Variants in SCN1A observed in about 807,000 individuals in gnomAD.
SCN1A encodes the protein sodium voltage-gated channel alpha subunit 1, also known as sodium channel protein type 1 subunit alpha.
Under a neutral mutation model 193.7 loss-of-function variants are expected in SCN1A, and 13 were observed. That is an observed-to-expected ratio of 0.07 (90% CI 0.04 to 0.11). The LOEUF is 0.11. SCN1A is among the 10% of genes least tolerant of loss of function. The pLI, the probability that SCN1A is intolerant of heterozygous loss-of-function variation, is 1.00. For missense variants in SCN1A, 1,432 were observed against 2,451.1 expected (o/e 0.58, Z 8.78); for synonymous variants, 781 against 843.6 (o/e 0.93, Z 1.29).
Position 165,991,203 on chromosome 2 carries a change from C to G in SCN1A, c.*42G>C. The G allele has an allele frequency of 6.6e-7, 1 of 1,525,612 alleles. No individual in the cohort carries two copies. Among genetic ancestry groups the G allele is most frequent in the East Asian group, 2.4e-5 (1 of 41,502 alleles). 94.5% of individuals were successfully genotyped at this position (1,525,612 alleles called of 1,614,324 possible). A position where few individuals can be genotyped will look rare whatever the true frequency, so the allele number is the denominator to read the frequency against. On this transcript the variant is annotated 3_prime_UTR_variant, in exon 29 of 29. Transcript: ENST00000674923. ...GATAAAAATACATCACCTTCACAGG[C>G]TGTAAACAATTTGTCACCCAATTAT...
intron 20 of SCN1A, among the ~76,000 whole-genome samples, chr2:166,014,579 A>C (rs2105618200): frequency 6.7e-6 from 1 of 149,306 alleles, no homozygotes; most frequent in East Asian, 2.0e-4. Context: ...CTTACCAAAA[A>C]AAATCTGGTT....
rs879391660 is a variant in SCN1A at position 166,012,908 on chromosome 2, C to T, written c.3706-626G>A. 1.1e-4 allele frequency among the ~76,000 whole-genome samples: 17 copies of T among 151,050 alleles called. 1 individual carries two copies. The highest frequency in any genetic ancestry group is 2.2e-4 in the African/African-American group (9 of 41,302). On this transcript the variant is annotated intron_variant, in intron 21 of 28. Transcript: ENST00000674923. The stretch of plus-strand genomic sequence containing the variant: ...ACTTCTAAGTATGCATTCCTTTCAA[C>T]GGTGAAAGACTTCTAAAGTAGCGTG...
chr2:166,112,897 A>G (rs115517012), intron 2 of SCN1A, among the ~76,000 whole-genome samples: 1,733 of 152,266 alleles, frequency 0.011, 21 homozygotes, highest in Admixed American at 0.017. Flanking sequence ...AAAACTCTAA[A>G]TTATGGAGTT....
At chr2:166,106,918 T>C (rs998747863) in intron 2 of SCN1A, among the ~76,000 whole-genome samples, 1 of 152,160 alleles carries the variant, frequency 6.6e-6, no homozygotes, top group Non-Finnish European at 1.5e-5. Flanking sequence ...CAATACACTA[T>C]TTCTGGTTAG....
At chr2:166,076,518 T>G (rs1684998928) in intron 3 of SCN1A, among the ~76,000 whole-genome samples, 1 of 130,978 alleles carries the variant, frequency 7.6e-6, no homozygotes. Flanking sequence ...CCAGCAGTTA[T>G]TTGTGGATAT....
chr2:166,072,310 A>C (rs1282983036), intron 4 of SCN1A, among the ~76,000 whole-genome samples: 1 of 149,614 alleles, frequency 6.7e-6, no homozygotes, highest in African/African-American at 2.6e-5. Context: ...AATAATCTTA[A>C]AAAAAATTTT....
At chr2:166,081,106 A>G (rs1305750535) in intron 2 of SCN1A, among the ~76,000 whole-genome samples, 1 of 151,968 alleles carries the variant, frequency 6.6e-6, no homozygotes, top group Non-Finnish European at 1.5e-5. Flanking sequence ...TATCACAGCC[A>G]AAAGATGTTT....
chr2:166,035,930 A>G (rs1696272712), intron 19 of SCN1A, 118 bp downstream of exon 19: 2 of 819,450 alleles, frequency 2.4e-6, no homozygotes, highest in East Asian at 6.0e-5. Context: ...GTATTATCAT[A>G]AAGTAAAAAA....
chr2:165,998,588 T>A (rs193077534), intron 25 of SCN1A, among the ~76,000 whole-genome samples: 37 of 151,444 alleles, frequency 2.4e-4, no homozygotes, highest in Non-Finnish European at 3.6e-4. Context: ...AAATGAGTTG[T>A]TCATTCAGAT....
chr2:166,102,279 G>A (rs907846910), intron 2 of SCN1A, among the ~76,000 whole-genome samples: 6 of 152,096 alleles, frequency 3.9e-5, no homozygotes, highest in African/African-American at 1.4e-4. Context: ...GGCGGATCAC[G>A]AGGTCAGGAT....
intron 19 of SCN1A, among the ~76,000 whole-genome samples, chr2:166,033,012 T>G (rs963497304): frequency 5.3e-5 from 8 of 152,154 alleles, no homozygotes; most frequent in African/African-American, 1.9e-4. Context: ...AAGTTTGATC[T>G]GAGTGTCTAC....
At chr2:166,015,815 T>C in intron 19 of SCN1A, 88 bp from the exon 20 acceptor site, 1 of 1,457,274 alleles carries the variant, frequency 6.9e-7, no homozygotes, top group South Asian at 1.2e-5. Context: ...ATGAATTTGT[T>C]TTTTATTCTT....
intron 21 of SCN1A, among the ~76,000 whole-genome samples, chr2:166,012,698 T>C (rs541768157): frequency 7.8e-4 from 116 of 149,498 alleles, no homozygotes; most frequent in Middle Eastern, 3.4e-3. Flanking sequence ...GAAATTGTGA[T>C]TGATCTTCGC....
chr2:166,075,715 C>T (rs1486694000), intron 3 of SCN1A, among the ~76,000 whole-genome samples: 1 of 151,856 alleles, frequency 6.6e-6, no homozygotes, highest in Non-Finnish European at 1.5e-5. Context: ...TGGCTTTGTA[C>T]AGAATGTTTA....
chr2:165,996,727 A>G (rs1690119083), intron 26 of SCN1A, among the ~76,000 whole-genome samples: 1 of 151,448 alleles, frequency 6.6e-6, no homozygotes, highest in Non-Finnish European at 1.5e-5. Context: ...GTAGCCTGAT[A>G]TTGACTTAAG....
intron 13 of SCN1A, 78 bp from the exon 14 acceptor site, chr2:166,044,127 G>A: frequency 2.7e-6 from 4 of 1,500,772 alleles, no homozygotes; most frequent in African/African-American, 1.4e-5. Flanking sequence ...GCAAGATTAT[G>A]TAGAAGGAGA....
intron 1 of SCN1A, among the ~76,000 whole-genome samples, chr2:166,143,419 G>A (rs920724228): frequency 2.0e-5 from 3 of 152,026 alleles, no homozygotes; most frequent in Admixed American, 2.0e-4. Flanking sequence ...GCCCACCTCA[G>A]CCTCCCAAAG....
chr2:166,000,262 G>A (rs1010234560), intron 24 of SCN1A, among the ~76,000 whole-genome samples: 3 of 151,588 alleles, frequency 2.0e-5, no homozygotes, highest in African/African-American at 4.8e-5. Flanking sequence ...CATAAAGGCA[G>A]GGTTGCAACT....
rs1337123096 is a variant in SCN1A at position 165,986,670 on chromosome 2, G to A, written c.*4575C>T. On this transcript the variant is annotated 3_prime_UTR_variant, in exon 29 of 29. Coordinates refer to ENST00000674923, the MANE Select transcript of SCN1A (RefSeq NM_001165963.4). ...CAAAATATGATAGTGTGAACACGCA[G>A]ACATAGGCACTTCAGTAACACACAG... The A allele has an allele frequency of 7.5e-6, 1 of 133,438 alleles. No homozygotes were observed. The highest frequency in any genetic ancestry group is 1.5e-5 in the Non-Finnish European group (1 of 64,616). 8.3% of individuals were successfully genotyped at this position (133,438 alleles called of 1,614,324 possible). A position where few individuals can be genotyped will look rare whatever the true frequency, so the allele number is the denominator to read the frequency against.
Sources: allele counts gnomAD v4.1 joint callset (sites outside exome capture counted in the v4.1 genomes callset), GRCh38; gene constraint gnomAD v4.1.1; transcripts MANE v1.5; gene names NCBI Gene and HGNC (gene_info 2026-07-23, HGNC 2026-07-21).